POTEE: variants seen among roughly 807,000 people sequenced by gnomAD.
POTEE encodes POTE ankyrin domain family member E.
In POTEE, 21 loss-of-function variants were observed where a neutral mutation model predicts 74.2. The observed-to-expected ratio is 0.28, with a 90% CI of 0.20 to 0.41. The LOEUF (loss-of-function observed/expected upper bound fraction) is 0.41, where lower values mean the gene tolerates loss of function less well. Among genes scored for constraint, POTEE ranks in the 10% least tolerant of loss-of-function variants. The pLI is 1.00. For synonymous variants in POTEE, 211 were observed against 432.8 expected (o/e 0.49, Z 6.36); for missense variants, 525 against 1,158.6 (o/e 0.45, Z 7.94).
chr2:131,225,047 T>C (rs1700737963), intron 6 of POTEE, among the ~76,000 whole-genome samples: 1 of 152,180 alleles, frequency 6.6e-6, no homozygotes, highest in Admixed American at 6.5e-5. Context: ...CTTACTCTTT[T>C]TGGCCAAATC....
At chr2:131,222,950 T>A (rs1700668704) in intron 4 of POTEE, among the ~76,000 whole-genome samples, 1 of 151,966 alleles carries the variant, frequency 6.6e-6, no homozygotes, top group African/African-American at 2.4e-5. Context: ...CCCCATTATT[T>A]TATGCCTCAA....
rs1473009842 is a variant in POTEE at position 131,231,897 on chromosome 2, G to T, written c.1126+991G>T. Among the ~76,000 whole-genome samples, 94 of 152,182 alleles carry T rather than the reference G, an allele frequency of 6.2e-4. 3 individuals are homozygous for T. Among genetic ancestry groups the T allele is most frequent in the African/African-American group, 2.2e-3 (93 of 41,498 alleles). ...TTAATTTAGCCATCTATTTATCAAA[G>T]AGCTTTTGTAAGTTAGGTTTTATAA... On this transcript the variant is annotated intron_variant, in intron 9 of 17. Transcript: ENST00000683005.
rs750345024 is a variant in POTEE, at chr2:131,264,024, G to T, written c.2569G>T (p.Asp857Tyr). 3 of 1,614,098 alleles carry T rather than the reference G, an allele frequency of 1.9e-6. No homozygotes were observed. The change falls in exon 18 of 18, where the codon GAC becomes TAC. Residue 857 changes from aspartate (D) to tyrosine (Y), a missense_variant. Coordinates refer to ENST00000683005, the MANE Select transcript of POTEE (RefSeq NM_001083538.3). ...TACTGGCATCGTGATGGACTCTGGT[G>T]ACGGGGTCACCCACACTGTGCCCAT... ...RTTGIVMDSG[D>Y]GVTHTVPIYE...
chr2:131,257,219 C>A (rs550374336), intron 16 of POTEE, among the ~76,000 whole-genome samples: 4 of 71,302 alleles, frequency 5.6e-5, no homozygotes, highest in Admixed American at 1.5e-4. Flanking sequence ...ATCTCACTCT[C>A]ATGAATAGGG....
intron 2 of POTEE, among the ~76,000 whole-genome samples, chr2:131,213,250 C>CA (rs1286224657): frequency 6.6e-6 from 1 of 152,048 alleles, no homozygotes; most frequent in Non-Finnish European, 1.5e-5. Context: ...GATTCACAAC[C>CA]AAAAACAAGG....
At chr2:131,235,792 C>CAAAAAAAAAAA (rs1203876832) in intron 9 of POTEE, among the ~76,000 whole-genome samples, 13 of 78,958 alleles carry the variant, frequency 1.6e-4, no homozygotes, top group East Asian at 3.6e-4. Flanking sequence ...GACCCTGGCT[C>CAAAAAAAAAAA]AAAAAAAAAA....
intron 1 of POTEE, among the ~76,000 whole-genome samples, 25 bp downstream of exon 1, chr2:131,209,844 C>T (rs1400266124): frequency 3.3e-5 from 5 of 151,702 alleles, no homozygotes; most frequent in African/African-American, 9.7e-5. Flanking sequence ...GATGTACTGC[C>T]CGCCTGTGGG....
In POTEE at chr2:131,209,690, C is replaced by A. The variant is rs1324204063; in HGVS notation, c.-474C>A. On this transcript the variant is annotated 5_prime_UTR_variant, in exon 1 of 18. Coordinates refer to ENST00000683005, the MANE Select transcript of POTEE (RefSeq NM_001083538.3). Reference sequence around the variant, plus strand: ...GAGCTTCTCCTGCCAGGCAGGAAGACGAGTAGAAGGGAGCAGCACCGACGC... The same window carrying A: ...GAGCTTCTCCTGCCAGGCAGGAAGAAGAGTAGAAGGGAGCAGCACCGACGC... Among the ~76,000 whole-genome samples the A allele has an allele frequency of 1.3e-5, 2 of 152,262 alleles. No individual in the cohort carries two copies. The highest frequency in any genetic ancestry group is 1.3e-4 in the Admixed American group (2 of 15,292).
At chr2:131,215,230 G>A (rs1700423707) in intron 2 of POTEE, among the ~76,000 whole-genome samples, 1 of 151,078 alleles carries the variant, frequency 6.6e-6, no homozygotes, top group Admixed American at 6.6e-5. Flanking sequence ...TTAGATAATA[G>A]ATATGTTTTT....
intron 6 of POTEE, among the ~76,000 whole-genome samples, chr2:131,224,579 A>G (rs1344114980): frequency 6.6e-6 from 1 of 151,304 alleles, no homozygotes. Flanking sequence ...CCAATTTGGA[A>G]ATTAGATAAT....
intron 4 of POTEE, among the ~76,000 whole-genome samples, chr2:131,221,841 C>T (rs1455801183): frequency 1.3e-5 from 2 of 152,116 alleles, no homozygotes; most frequent in Non-Finnish European, 2.9e-5. Context: ...TTGCATTACT[C>T]GACAGGAGTT....
Position 131,223,728 on chromosome 2 carries a change from A to G in POTEE, c.636+18A>G, listed in dbSNP as rs1573704282. On this transcript the variant is annotated intron_variant, in intron 5 of 17. Transcript: ENST00000683005. Reference sequence around the variant, plus strand: ...TGATAAAGGTATGCAGTAGCCAACTATATCAGCATGAGGTGGGTTTGATTT... The same window carrying G: ...TGATAAAGGTATGCAGTAGCCAACTGTATCAGCATGAGGTGGGTTTGATTT... 16 of 1,610,390 alleles carry G rather than the reference A, an allele frequency of 9.9e-6. No homozygotes were observed. In the East Asian group the frequency reaches 2.9e-4, roughly 29 times the overall value.
Position 131,263,946 on chromosome 2 carries a change from G to A in POTEE, c.2491G>A (p.Ala831Thr), listed in dbSNP as rs1460576387. Reference protein sequence around the residue: ...QIMFETFNTPAMYVAIQAVPS... With the variant: ...QIMFETFNTPTMYVAIQAVPS... Reference sequence around the variant, plus strand: ...CATGTTTGAGACCTTCAACACCCCAGCCATGTACGTGGCCATCCAGGCCGT... The same window carrying A: ...CATGTTTGAGACCTTCAACACCCCAACCATGTACGTGGCCATCCAGGCCGT... Residue 831 changes from alanine (A) to threonine (T), a missense_variant, in exon 18 of 18, where the codon GCC (alanine) becomes ACC (threonine). Ala to Thr is a moderately conservative substitution (Grantham distance 58). Coordinates refer to ENST00000683005, the MANE Select transcript of POTEE (RefSeq NM_001083538.3). 8 of 1,614,078 alleles carry A rather than the reference G, an allele frequency of 5.0e-6. No homozygotes were observed. Among genetic ancestry groups the A allele is most frequent in the Non-Finnish European group, 5.9e-6 (7 of 1,180,054 alleles).
intron 2 of POTEE, among the ~76,000 whole-genome samples, chr2:131,211,926 A>C (rs1342196094): frequency 6.6e-6 from 1 of 151,130 alleles, no homozygotes; most frequent in African/African-American, 2.4e-5. Context: ...AGGGGATAAA[A>C]GGTGTCATAA....
At chr2:131,215,939 TTGTC>T (rs1163500764) in intron 2 of POTEE, among the ~76,000 whole-genome samples, 2 of 148,632 alleles carry the variant, frequency 1.3e-5, no homozygotes, top group African/African-American at 2.5e-5. Context: ...AGGGGTGAGA[TTGTC>T]TGTGTTTTAG....
intron 10 of POTEE, among the ~76,000 whole-genome samples, chr2:131,237,906 A>G (rs1352425074): frequency 0.011 from 1,680 of 150,750 alleles, 12 homozygotes; most frequent in African/African-American, 0.04. Flanking sequence ...GACCAAATTA[A>G]GTTTGCTGGT....
intron 8 of POTEE, chr2:131,229,862 C>G (rs1311720176): frequency 2.6e-4 from 39 of 152,034 alleles, no homozygotes; most frequent in African/African-American, 5.1e-4. Context: ...ATGACTTAGA[C>G]CTGAATAACA....
chr2:131,263,176 A>T (rs1573743733), intron 17 of POTEE, among the ~76,000 whole-genome samples, 179 bp from the exon 18 acceptor site: 1 of 149,816 alleles, frequency 6.7e-6, no homozygotes, highest in Non-Finnish European at 1.5e-5. Flanking sequence ...ATGAAAAATA[A>T]ATCACTGGAG....
chr2:131,228,922 G>T (rs1700862684), intron 8 of POTEE, among the ~76,000 whole-genome samples: 1 of 145,260 alleles, frequency 6.9e-6, no homozygotes, highest in African/African-American at 2.9e-5. Context: ...AACTGGTCCT[G>T]CTGCCTTAAG....
Sources: gnomAD v4.1 joint callset for allele counts (sites outside exome capture counted in the v4.1 genomes callset) on GRCh38, gnomAD v4.1.1 for gene constraint, MANE v1.5 for transcripts, NCBI Gene and HGNC (gene_info 2026-07-23, HGNC 2026-07-21) for gene names.